The following XRCC4 variants were observed in gnomAD, a reference collection of about 807,000 sequenced individuals.
XRCC4 encodes X-ray repair cross complementing 4.
A neutral mutation model predicts 39.1 loss-of-function variants in XRCC4; 28 were observed. The observed-to-expected ratio is 0.72, with a 90% CI of 0.53 to 0.98. The LOEUF (loss-of-function observed/expected upper bound fraction) is 0.98, where lower values mean the gene tolerates loss of function less well. XRCC4 is among the 50% of genes least tolerant of loss of function. The pLI is 0.00. For missense variants in XRCC4, 350 were observed against 376.4 expected (o/e 0.93, Z 0.58); for synonymous variants, 123 against 126.4 (o/e 0.97, Z 0.18).
At chr5:83,216,443 C>T (rs1205203795) in intron 6 of XRCC4, among the ~76,000 whole-genome samples, 2 of 152,148 alleles carry the variant, frequency 1.3e-5, no homozygotes, top group Non-Finnish European at 2.9e-5. Context: ...ACCCTATAAC[C>T]TAGCTATTCT....
At chr5:83,306,602 C>T (rs576257978) in intron 7 of XRCC4, among the ~76,000 whole-genome samples, 2 of 152,284 alleles carry the variant, frequency 1.3e-5, no homozygotes, top group Admixed American at 6.5e-5. Context: ...TGCAGTAATA[C>T]AGTTCTCAGC....
chr5:83,346,718 G>A (rs1310026252), intron 7 of XRCC4, among the ~76,000 whole-genome samples: 2 of 152,034 alleles, frequency 1.3e-5, no homozygotes, highest in African/African-American at 4.8e-5. Context: ...ACTGTATGTT[G>A]AAGTATAAGA....
chr5:83,320,989 T>G (rs982716565), intron 7 of XRCC4, among the ~76,000 whole-genome samples: 1 of 151,896 alleles, frequency 6.6e-6, no homozygotes, highest in Non-Finnish European at 1.5e-5. Context: ...TTTTGTAGTT[T>G]TAGTAGAGAT....
At chr5:83,310,769 A>G (rs1168430875) in intron 7 of XRCC4, 5 of 456,514 alleles carry the variant, frequency 1.1e-5, no homozygotes, top group African/African-American at 1.0e-4. Flanking sequence ...CCTAAATGCA[A>G]TTATAACTTT....
At chr5:83,156,152 A>T (rs149088001) in intron 3 of XRCC4, among the ~76,000 whole-genome samples, 1 of 152,080 alleles carries the variant, frequency 6.6e-6, no homozygotes, top group Admixed American at 6.6e-5. Context: ...AAGAGTTATG[A>T]ATATGTGTTT....
intron 7 of XRCC4, among the ~76,000 whole-genome samples, chr5:83,312,362 A>G (rs551049107): frequency 9.2e-5 from 14 of 152,330 alleles, no homozygotes; most frequent in African/African-American, 3.1e-4. Context: ...GTTTGAGGTT[A>G]TTAGACCACT....
chr5:83,188,575 G>A (rs1408244069), intron 3 of XRCC4, among the ~76,000 whole-genome samples: 1 of 151,984 alleles, frequency 6.6e-6, no homozygotes, highest in Non-Finnish European at 1.5e-5. Context: ...AAGAAGCATG[G>A]TGCCAGTGTC....
downstream of XRCC4, among the ~76,000 whole-genome samples, chr5:83,354,433 T>G (rs187396744): frequency 2.0e-5 from 3 of 152,338 alleles, 1 homozygote; most frequent in Admixed American, 2.0e-4. Context: ...TCTCCAAAAT[T>G]ACGTAGTTTT....
intron 6 of XRCC4, among the ~76,000 whole-genome samples, chr5:83,242,934 G>C (rs940156069): frequency 3.3e-5 from 5 of 152,114 alleles, no homozygotes; most frequent in Non-Finnish European, 1.5e-5. Flanking sequence ...AGGGCAACTA[G>C]GATTCAAAAC....
rs28360186 is a variant in XRCC4, at chr5:83,226,431, G to C, written c.745+21510G>C. ...AGTCCTTTTTCTATACTGGCCCAAGGGGTTTGAAGTTCCTGGAAGTGCTTG... is the reference window on the plus strand; with the variant it reads ...AGTCCTTTTTCTATACTGGCCCAAGCGGTTTGAAGTTCCTGGAAGTGCTTG... On this transcript the variant is annotated intron_variant, in intron 6 of 7. Transcript: ENST00000396027. Among the ~76,000 whole-genome samples, 661 of 152,100 alleles carry C rather than the reference G, an allele frequency of 4.3e-3. 2 individuals are homozygous for C. The highest frequency in any genetic ancestry group is 0.015 in the African/African-American group (632 of 41,480).
At chr5:83,117,720 A>G (rs563772951) in intron 3 of XRCC4, among the ~76,000 whole-genome samples, 2 of 147,186 alleles carry the variant, frequency 1.4e-5, no homozygotes, top group South Asian at 4.3e-4. Context: ...CTATAAGGAT[A>G]TGTCTTTTTA....
intron 3 of XRCC4, among the ~76,000 whole-genome samples, chr5:83,130,847 G>C (rs1398827512): frequency 6.6e-6 from 1 of 151,984 alleles, no homozygotes; most frequent in African/African-American, 2.4e-5. Flanking sequence ...GCATCTATTT[G>C]ATTCTTCTCT....
intron 7 of XRCC4, among the ~76,000 whole-genome samples, chr5:83,289,997 A>G (rs985125246): frequency 6.6e-6 from 1 of 151,868 alleles, no homozygotes; most frequent in Non-Finnish European, 1.5e-5. Flanking sequence ...TCTCACTCTC[A>G]TGCTAGTCTA....
intron 4 of XRCC4, among the ~76,000 whole-genome samples, chr5:83,197,706 C>T (rs1751011852): frequency 6.6e-6 from 1 of 152,106 alleles, no homozygotes; most frequent in Non-Finnish European, 1.5e-5. Flanking sequence ...CCTGTTTGAT[C>T]AAAAGCACAG....
chr5:83,078,214 T>A (rs999856076), intron 1 of XRCC4, among the ~76,000 whole-genome samples: 2 of 152,222 alleles, frequency 1.3e-5, no homozygotes, highest in Non-Finnish European at 2.9e-5. Flanking sequence ...TTTTCTGATT[T>A]TAATTATCCC....
chr5:83,257,461 GA>G (rs202067004), intron 6 of XRCC4, among the ~76,000 whole-genome samples: 2,438 of 152,168 alleles, frequency 0.016, 63 homozygotes, highest in African/African-American at 0.055. Context: ...GGCCATTACA[GA>G]AATACAAATC....
chr5:83,144,557 C>CA (rs1748356358), intron 3 of XRCC4, among the ~76,000 whole-genome samples: 1 of 83,014 alleles, frequency 1.2e-5, no homozygotes, highest in African/African-American at 5.0e-5. Context: ...TCCCCACCCC[C>CA]CCCCCCCCAC....
intron 1 of XRCC4, among the ~76,000 whole-genome samples, chr5:83,091,419 G>T (rs1745422048): frequency 6.6e-6 from 1 of 152,098 alleles, no homozygotes; most frequent in Admixed American, 6.6e-5. Context: ...TCGTCCCTGT[G>T]ATCCAATCAC....
intron 7 of XRCC4, among the ~76,000 whole-genome samples, chr5:83,286,191 CAATT>C (rs917719868): frequency 6.6e-6 from 1 of 152,090 alleles, no homozygotes; most frequent in Non-Finnish European, 1.5e-5. Context: ...TTTCCTTTCT[CAATT>C]AATCAACTTC....
Sources: gnomAD v4.1 joint callset for allele counts (sites outside exome capture counted in the v4.1 genomes callset) on GRCh38, gnomAD v4.1.1 for gene constraint, MANE v1.5 for transcripts, NCBI Gene and HGNC (gene_info 2026-07-23, HGNC 2026-07-21) for gene names.